ZCCHC7: variants seen among roughly 807,000 people sequenced by gnomAD.
ZCCHC7 encodes the protein zinc finger CCHC-type containing 7.
In ZCCHC7, 35 loss-of-function variants were observed where a neutral mutation model predicts 52.0. That is an observed-to-expected ratio of 0.67 (90% CI 0.51 to 0.89). The LOEUF is 0.89. Among genes scored for constraint, ZCCHC7 ranks in the 40% least tolerant of loss-of-function variants. The pLI is 0.00. For synonymous variants in ZCCHC7, 217 were observed against 221.5 expected, an observed-to-expected ratio of 0.98 and a Z score of 0.18; for missense variants, 574 against 649.1, an observed-to-expected ratio of 0.88 and a Z score of 1.26.
intron 6 of ZCCHC7, among the ~76,000 whole-genome samples, chr9:37,336,962 A>C (rs2118388222): frequency 6.6e-6 from 1 of 152,210 alleles, no homozygotes; most frequent in East Asian, 1.9e-4. Flanking sequence ...CCTGTCACCG[A>C]TCCCGCATGC....
At chr9:37,312,627 A>C (rs1390318852) in intron 5 of ZCCHC7, among the ~76,000 whole-genome samples, 1 of 152,230 alleles carries the variant, frequency 6.6e-6, no homozygotes, top group African/African-American at 2.4e-5. Flanking sequence ...TTTAAGAAAT[A>C]ATATAGAGGG....
intron 2 of ZCCHC7, among the ~76,000 whole-genome samples, chr9:37,153,788 C>T (rs1820669647): frequency 6.6e-6 from 1 of 152,052 alleles, no homozygotes; most frequent in Admixed American, 6.6e-5. Flanking sequence ...TGAAAGGAGT[C>T]CTGGTTTCTT....
At chr9:37,249,966 C>T (rs771315800) in intron 2 of ZCCHC7, among the ~76,000 whole-genome samples, 11 of 152,180 alleles carry the variant, frequency 7.2e-5, no homozygotes, top group Non-Finnish European at 1.5e-4. Context: ...AGAAAGGCAG[C>T]ATGGTATTGT....
chr9:37,267,549 T>G (rs1827167862), intron 2 of ZCCHC7, among the ~76,000 whole-genome samples: 3 of 149,754 alleles, frequency 2.0e-5, no homozygotes, highest in Admixed American at 2.0e-4. Context: ...GGGACTACCA[T>G]GCACGGCTAA....
chr9:37,122,397 T>TA (rs1298794264), intron 1 of ZCCHC7, among the ~76,000 whole-genome samples: 2 of 152,224 alleles, frequency 1.3e-5, no homozygotes, highest in Non-Finnish European at 2.9e-5. Context: ...TTTAAGATGT[T>TA]ATATAGGAAA....
chr9:37,245,646 G>T (rs191438238), intron 2 of ZCCHC7, among the ~76,000 whole-genome samples: 8 of 152,020 alleles, frequency 5.3e-5, no homozygotes, highest in African/African-American at 1.7e-4. Flanking sequence ...AGGACATCAT[G>T]GGGACGTCTA....
At chr9:37,318,259 C>A (rs979100780) in intron 5 of ZCCHC7, among the ~76,000 whole-genome samples, 17 of 151,884 alleles carry the variant, frequency 1.1e-4, no homozygotes, top group Admixed American at 4.6e-4. Flanking sequence ...GTCAAGAGTT[C>A]GAGATCAGCC....
At chr9:37,182,338 G>A (rs1176729970) in intron 2 of ZCCHC7, among the ~76,000 whole-genome samples, 1 of 150,344 alleles carries the variant, frequency 6.7e-6, no homozygotes, top group East Asian at 2.0e-4. Context: ...GATTACAGTT[G>A]TATTTTTTTT....
intron 2 of ZCCHC7, among the ~76,000 whole-genome samples, chr9:37,188,500 C>T (rs1042797974): frequency 3.4e-5 from 4 of 117,008 alleles, no homozygotes; most frequent in African/African-American, 1.3e-4. Context: ...ACCCCTCCCC[C>T]CTTCCTTCCC....
At chr9:37,212,884 G>GT (rs146688107) in intron 2 of ZCCHC7, among the ~76,000 whole-genome samples, 7,760 of 151,564 alleles carry the variant, frequency 0.051, 643 homozygotes, top group African/African-American at 0.18. Flanking sequence ...TGGGGTCATT[G>GT]TTTTTTTTAC....
intron 2 of ZCCHC7, among the ~76,000 whole-genome samples, chr9:37,132,317 G>C (rs1002148298): frequency 1.3e-5 from 2 of 152,126 alleles, no homozygotes; most frequent in Non-Finnish European, 2.9e-5. Context: ...GATATTACTA[G>C]TTCTAGGAGT....
chr9:37,206,323 C>T lies in ZCCHC7; in HGVS notation c.610+79381C>T, dbSNP rs150215177. Among the ~76,000 whole-genome samples, 35 of 150,820 alleles carry T rather than the reference C, an allele frequency of 2.3e-4. No individual in the cohort carries two copies. The East Asian group carries it at 6.7e-3, about 29-fold the overall frequency. ...CCCCCTCTCCCTCTCCCTCCTCCTC[C>T]CCACTTCTCTCTCATTCCTCTTCCC... is the stretch of plus-strand genomic sequence containing the variant. On this transcript the variant is annotated intron_variant, in intron 2 of 8. Transcript: ENST00000336755.
At chr9:37,287,796 A>C (rs1828326552) in intron 2 of ZCCHC7, among the ~76,000 whole-genome samples, 1 of 152,060 alleles carries the variant, frequency 6.6e-6, no homozygotes, top group South Asian at 2.1e-4. Flanking sequence ...AATGGTGTTA[A>C]ATTTTTTTTA....
At chr9:37,156,562 A>G (rs1820825008) in intron 2 of ZCCHC7, among the ~76,000 whole-genome samples, 1 of 152,344 alleles carries the variant, frequency 6.6e-6, no homozygotes. Flanking sequence ...AAATGGCTAT[A>G]AAAGAGGTCA....
chr9:37,131,814 A>G (rs1469094088), intron 2 of ZCCHC7, among the ~76,000 whole-genome samples: 1 of 152,064 alleles, frequency 6.6e-6, no homozygotes, highest in Non-Finnish European at 1.5e-5. Flanking sequence ...CTGAGGCTCC[A>G]TTGAGACTGT....
intron 5 of ZCCHC7, among the ~76,000 whole-genome samples, chr9:37,326,598 A>G (rs1276719223): frequency 6.6e-6 from 1 of 151,906 alleles, no homozygotes; most frequent in Non-Finnish European, 1.5e-5. Context: ...TAGTTGAAAC[A>G]TATCTACTTT....
chr9:37,166,578 A>T (rs924205854), intron 2 of ZCCHC7, among the ~76,000 whole-genome samples: 6 of 151,526 alleles, frequency 4.0e-5, no homozygotes, highest in Non-Finnish European at 8.8e-5. Context: ...TTAACTTTTT[A>T]AAAATTACAT....
intron 2 of ZCCHC7, among the ~76,000 whole-genome samples, chr9:37,130,766 G>A (rs887922291): frequency 1.3e-5 from 2 of 151,798 alleles, no homozygotes; most frequent in Non-Finnish European, 2.9e-5. Context: ...AAAGTGCTGG[G>A]ATTACAGGCG....
At chr9:37,222,233 G>A (rs1339461113) in intron 2 of ZCCHC7, among the ~76,000 whole-genome samples, 1 of 151,404 alleles carries the variant, frequency 6.6e-6, no homozygotes, top group African/African-American at 2.4e-5. Flanking sequence ...AAAACAAATG[G>A]TGACGTGTCC....
Sources: gnomAD v4.1 joint callset for allele counts (sites outside exome capture counted in the v4.1 genomes callset) on GRCh38, gnomAD v4.1.1 for gene constraint, MANE v1.5 for transcripts, NCBI Gene and HGNC (gene_info 2026-07-23, HGNC 2026-07-21) for gene names.